KIAA1671: variants seen among roughly 807,000 people sequenced by gnomAD.
KIAA1671 encodes KIAA1671, also known as uncharacterized protein KIAA1671.
KIAA1671 carries 52 observed loss-of-function variants against 131.2 expected under a neutral mutation model. The observed-to-expected ratio is 0.40, with a 90% CI of 0.32 to 0.50. The LOEUF is 0.50. KIAA1671 is among the 20% of genes least tolerant of loss of function. The pLI is 0.73. For synonymous variants in KIAA1671, 1,003 were observed against 961.6 expected (o/e 1.04, Z -0.80); for missense variants, 2,360 against 2,364.2 (o/e 1.00, Z 0.04).
At chr22:25,116,762 G>A (rs1245458924) in intron 6 of KIAA1671, among the ~76,000 whole-genome samples, 1 of 152,148 alleles carries the variant, frequency 6.6e-6, no homozygotes, top group Non-Finnish European at 1.5e-5. Flanking sequence ...CAACTCTGGT[G>A]CAGGAGAAAT....
intron 6 of KIAA1671, among the ~76,000 whole-genome samples, chr22:25,163,323 T>C (rs1364767511): frequency 7.6e-6 from 1 of 131,884 alleles, no homozygotes; most frequent in Non-Finnish European, 1.6e-5. Flanking sequence ...AGTGAGACAT[T>C]GCCTCAAATT....
At chr22:24,998,510 G>A (rs1924258214) in intron 1 of KIAA1671, among the ~76,000 whole-genome samples, 1 of 151,982 alleles carries the variant, frequency 6.6e-6, no homozygotes, top group South Asian at 2.1e-4. Flanking sequence ...ACGAGGTCAG[G>A]AGATCGAGAC....
At chr22:25,103,408 G>GCAAC (rs766415538) in intron 6 of KIAA1671, among the ~76,000 whole-genome samples, 18 of 152,204 alleles carry the variant, frequency 1.2e-4, no homozygotes, top group Non-Finnish European at 2.5e-4. Context: ...GCCCAGGCTG[G>GCAAC]AGGGCAGTCG....
chr22:25,109,466 C>G (rs1355971611), intron 6 of KIAA1671, among the ~76,000 whole-genome samples: 1 of 152,156 alleles, frequency 6.6e-6, no homozygotes, highest in Non-Finnish European at 1.5e-5. Context: ...CTTCTTTATT[C>G]TGCTAACCAC....
At position 25,177,489 on chromosome 22, in the gene KIAA1671, A is replaced by T; in HGVS notation, c.5041A>T (p.Thr1681Ser). ...SESRSPLEDE[T>S]DNTWMFKDST... ...GAGCAGATCACCTTTGGAGGATGAG[A>T]CTGACAACACGTGGATGTTCAAAGA... Residue 1681 changes from threonine to serine, a missense_variant, in exon 9 of 13, where the codon ACT (threonine) becomes TCT (serine). Thr to Ser is a moderately conservative substitution (Grantham distance 58). Coordinates refer to ENST00000358431, the MANE Select transcript of KIAA1671 (RefSeq NM_001145206.2). 1 of 1,551,650 alleles carries T rather than the reference A, an allele frequency of 6.4e-7. No homozygotes were observed.
At chr22:24,977,446 C>T (rs937567241) in intron 1 of KIAA1671, among the ~76,000 whole-genome samples, 1 of 152,204 alleles carries the variant, frequency 6.6e-6, no homozygotes, top group African/African-American at 2.4e-5. Flanking sequence ...AGGCTTCTTA[C>T]CCCACAGCTG....
At chr22:24,988,455 T>C (rs1410365406) in intron 1 of KIAA1671, among the ~76,000 whole-genome samples, 1 of 151,776 alleles carries the variant, frequency 6.6e-6, no homozygotes, top group Non-Finnish European at 1.5e-5. Context: ...CAAAAATGGG[T>C]TTGGGGCTGG....
At chr22:25,171,055 G>A in intron 7 of KIAA1671, 117 bp downstream of exon 7, 2 of 767,362 alleles carry the variant, frequency 2.6e-6, no homozygotes, top group East Asian at 2.7e-5. Context: ...AATTATAAAA[G>A]GAACCCATTC....
intron 6 of KIAA1671, among the ~76,000 whole-genome samples, chr22:25,164,647 T>G (rs1322398310): frequency 6.6e-6 from 1 of 152,174 alleles, no homozygotes; most frequent in Non-Finnish European, 1.5e-5. Context: ...ACAACCTGAC[T>G]TGTAGAAAGT....
chr22:25,148,564 G>A lies in KIAA1671; in HGVS notation c.4531-22256G>A, dbSNP rs572448196. 7.2e-5 allele frequency among the ~76,000 whole-genome samples: 11 copies of A among 152,298 alleles called. No homozygotes were observed. The South Asian group carries it at 1.0e-3, about 14-fold the overall frequency. On this transcript the variant is annotated intron_variant, in intron 6 of 12. Transcript: ENST00000358431. ...AGGGAACAGCACTCTGTCCTTTCTCGCTGAAGCAGGACATGAGTAGGGAGG... is the reference window on the plus strand; with the variant it reads ...AGGGAACAGCACTCTGTCCTTTCTCACTGAAGCAGGACATGAGTAGGGAGG...
chr22:25,035,950 A>G (rs2145799019), intron 4 of KIAA1671, among the ~76,000 whole-genome samples: 1 of 152,296 alleles, frequency 6.6e-6, no homozygotes, highest in Middle Eastern at 3.4e-3. Context: ...TCATGCCTAT[A>G]ATCCCAGAAC....
In KIAA1671 at chr22:24,961,311, A is replaced by G. The variant is rs118120794; in HGVS notation, c.-208+8539A>G. Among the ~76,000 whole-genome samples the G allele has an allele frequency of 1.8e-4, 27 of 152,302 alleles. No individual in the cohort carries two copies. In the East Asian group the frequency reaches 5.0e-3, roughly 28 times the overall value. ...CACCCAGCCTGGCCCTTGGGTTTTA[A>G]TACAAACTGCTGGAGACTCTGTCTC... On this transcript the variant is annotated intron_variant, in intron 1 of 12. Coordinates refer to ENST00000358431, the MANE Select transcript of KIAA1671 (RefSeq NM_001145206.2).
At chr22:25,181,158 A>G (rs899571231) in intron 9 of KIAA1671, among the ~76,000 whole-genome samples, 6 of 152,162 alleles carry the variant, frequency 3.9e-5, no homozygotes, top group African/African-American at 1.4e-4. Flanking sequence ...CACTCCTGGA[A>G]GAGTGGGATA....
chr22:24,995,288 G>A (rs542338025), intron 1 of KIAA1671, among the ~76,000 whole-genome samples: 48 of 151,172 alleles, frequency 3.2e-4, no homozygotes, highest in African/African-American at 4.4e-4. Context: ...TCCTGACCTC[G>A]TGATCTGCCC....
intron 7 of KIAA1671, among the ~76,000 whole-genome samples, chr22:25,173,071 C>T (rs544641888): frequency 6.6e-6 from 1 of 152,092 alleles, no homozygotes; most frequent in Admixed American, 6.6e-5. Flanking sequence ...ACAATCATGG[C>T]GGAAGGTGAA....
intron 6 of KIAA1671, among the ~76,000 whole-genome samples, chr22:25,117,634 C>T (rs923680906): frequency 6.8e-6 from 1 of 148,134 alleles, no homozygotes. Flanking sequence ...CACACACACA[C>T]ACAGACACAC....
At chr22:25,013,480 T>C (rs1925148689) in intron 1 of KIAA1671, 1 of 152,190 alleles carries the variant, frequency 6.6e-6, no homozygotes, top group Non-Finnish European at 1.5e-5. Flanking sequence ...TCCCAGGATT[T>C]GGAGCTTTGC....
intron 6 of KIAA1671, among the ~76,000 whole-genome samples, chr22:25,121,298 T>C (rs1365911654): frequency 6.6e-6 from 1 of 151,730 alleles, no homozygotes; most frequent in East Asian, 1.9e-4. Flanking sequence ...CTATCTCTAC[T>C]AAAAATACAA....
chr22:25,019,131 G>A (rs1925520617), intron 1 of KIAA1671, among the ~76,000 whole-genome samples: 1 of 151,306 alleles, frequency 6.6e-6, no homozygotes, highest in South Asian at 2.1e-4. Flanking sequence ...GGTGGGAAGT[G>A]CCTTTTACAT....
Sources: gnomAD v4.1 joint callset for allele counts (sites outside exome capture counted in the v4.1 genomes callset) on GRCh38, gnomAD v4.1.1 for gene constraint, MANE v1.5 for transcripts, NCBI Gene and HGNC (gene_info 2026-07-23, HGNC 2026-07-21) for gene names.